Variants in ZNF385D observed in about 807,000 individuals in gnomAD.
The protein encoded by ZNF385D is zinc finger protein 385D.
ZNF385D carries 15 observed loss-of-function variants against 35.8 expected under a neutral mutation model. That is an observed-to-expected ratio of 0.42 (90% CI 0.28 to 0.64). The LOEUF is 0.64. ZNF385D is among the 30% of genes least tolerant of loss of function. The pLI is 0.23. For synonymous variants in ZNF385D, 212 were observed against 186.8 expected, an observed-to-expected ratio of 1.13 and a Z score of -1.10; for missense variants, 474 against 494.6, an observed-to-expected ratio of 0.96 and a Z score of 0.39.
intron 2 of ZNF385D, among the ~76,000 whole-genome samples, chr3:22,352,614 C>T (rs1695967981): frequency 6.6e-6 from 1 of 152,132 alleles, no homozygotes; most frequent in African/African-American, 2.4e-5. Context: ...ACACAGCAAC[C>T]ATCCAGGTCT....
intron 2 of ZNF385D, among the ~76,000 whole-genome samples, chr3:22,299,574 C>G (rs1702785272): frequency 6.6e-6 from 1 of 151,828 alleles, no homozygotes; most frequent in African/African-American, 2.4e-5. Context: ...ATAGAAAACC[C>G]TGAAGACTTC....
At chr3:21,826,386 G>C (rs1694629213) in intron 3 of ZNF385D, among the ~76,000 whole-genome samples, 1 of 152,152 alleles carries the variant, frequency 6.6e-6, no homozygotes, top group Non-Finnish European at 1.5e-5. Context: ...AGTGCTAGTA[G>C]CTGAACAGCC....
chr3:22,173,804 T>G (rs966652043), intron 2 of ZNF385D, among the ~76,000 whole-genome samples: 3 of 152,162 alleles, frequency 2.0e-5, no homozygotes, highest in Admixed American at 6.6e-5. Context: ...AAGCTCAGAA[T>G]TCTCCTGCCT....
At chr3:21,976,950 T>C (rs766275369) in intron 3 of ZNF385D, among the ~76,000 whole-genome samples, 3 of 152,152 alleles carry the variant, frequency 2.0e-5, no homozygotes, top group African/African-American at 4.8e-5. Flanking sequence ...ATTGTGCCAC[T>C]GCACGTCAGC....
chr3:21,863,502 T>C (rs557964174), intron 3 of ZNF385D, among the ~76,000 whole-genome samples: 13 of 152,256 alleles, frequency 8.5e-5, no homozygotes, highest in African/African-American at 3.1e-4. Context: ...AGAAATAGAA[T>C]GTAAATTTAA....
chr3:22,097,707 T>C (rs1701706452), intron 3 of ZNF385D, among the ~76,000 whole-genome samples: 1 of 152,020 alleles, frequency 6.6e-6, no homozygotes, highest in African/African-American at 2.4e-5. Flanking sequence ...CCTGAGAGGA[T>C]GAAGCTGTGT....
At chr3:21,753,332 T>C (rs1007913383), upstream of ZNF385D, among the ~76,000 whole-genome samples, 16 of 152,332 alleles carry the variant, frequency 1.1e-4, no homozygotes, top group African/African-American at 3.8e-4. Context: ...GTGCTATTTA[T>C]AATGGCTCAG....
At chr3:22,161,917 C>T (rs1001282139) in intron 3 of ZNF385D, among the ~76,000 whole-genome samples, 2 of 152,158 alleles carry the variant, frequency 1.3e-5, no homozygotes, top group Non-Finnish European at 2.9e-5. Context: ...TAATGTAGAC[C>T]TGGGCAGTTC....
intron 3 of ZNF385D, among the ~76,000 whole-genome samples, chr3:21,841,441 A>AG (rs1479622978): frequency 2.0e-5 from 3 of 151,904 alleles, no homozygotes; most frequent in African/African-American, 7.2e-5. Context: ...TTCATTTTAA[A>AG]AAAAGTCAGA....
chr3:21,866,936 C>A (rs76936872), intron 3 of ZNF385D, among the ~76,000 whole-genome samples: 1 of 152,022 alleles, frequency 6.6e-6, no homozygotes, highest in Non-Finnish European at 1.5e-5. Context: ...TTAAAAAATA[C>A]CAAGGCCAGG....
At chr3:21,704,661 A>G (rs2067831761) in intron 1 of ZNF385D, among the ~76,000 whole-genome samples, 1 of 151,988 alleles carries the variant, frequency 6.6e-6, no homozygotes, top group East Asian at 2.0e-4. Context: ...GGCATGCACC[A>G]CCAGGCCCAG....
chr3:21,425,034 A>C (rs1002676030), intron 6 of ZNF385D, among the ~76,000 whole-genome samples: 1 of 152,228 alleles, frequency 6.6e-6, no homozygotes, highest in Non-Finnish European at 1.5e-5. Context: ...AAACATACAG[A>C]ACAACACCAT....
intron 3 of ZNF385D, among the ~76,000 whole-genome samples, chr3:22,066,261 A>G (rs2125551919): frequency 6.6e-6 from 1 of 152,240 alleles, no homozygotes; most frequent in Non-Finnish European, 1.5e-5. Flanking sequence ...GGAAAGACCA[A>G]AAAATGAAGG....
intron 3 of ZNF385D, among the ~76,000 whole-genome samples, chr3:21,809,637 CACATATACATAT>C (rs759953513): frequency 7.4e-6 from 1 of 135,876 alleles, no homozygotes; most frequent in Non-Finnish European, 1.7e-5. Flanking sequence ...CACATATATA[CACATATACATAT>C]ACATATACAT....
At chr3:22,046,341 C>T (rs765581179) in intron 3 of ZNF385D, among the ~76,000 whole-genome samples, 35 of 152,102 alleles carry the variant, frequency 2.3e-4, no homozygotes, top group Admixed American at 3.3e-4. Flanking sequence ...ATCACTGTTC[C>T]GTAATACTCA....
At chr3:21,475,244 C>A (rs1362866322) in intron 4 of ZNF385D, among the ~76,000 whole-genome samples, 2 of 151,874 alleles carry the variant, frequency 1.3e-5, no homozygotes, top group Non-Finnish European at 2.9e-5. Context: ...CCACAATTAC[C>A]TTTGCACCAA....
At chr3:21,454,109 G>A (rs1014935436) in intron 4 of ZNF385D, among the ~76,000 whole-genome samples, 2 of 152,004 alleles carry the variant, frequency 1.3e-5, no homozygotes, top group Non-Finnish European at 2.9e-5. Flanking sequence ...AATACCACAC[G>A]TTGTATGATT....
intron 2 of ZNF385D, among the ~76,000 whole-genome samples, chr3:22,260,356 C>T (rs769269984): frequency 2.0e-5 from 3 of 151,668 alleles, no homozygotes; most frequent in African/African-American, 4.8e-5. Context: ...GGCAGGTGGG[C>T]GGCAAGGGGA....
intron 3 of ZNF385D, among the ~76,000 whole-genome samples, chr3:21,939,669 A>G (rs1174091215): frequency 3.9e-5 from 6 of 152,236 alleles, no homozygotes; most frequent in Admixed American, 3.9e-4. Flanking sequence ...AAATTATATT[A>G]GAAATGTCTT....
Sources: gnomAD v4.1 joint callset for allele counts (sites outside exome capture counted in the v4.1 genomes callset) on GRCh38, gnomAD v4.1.1 for gene constraint, MANE v1.5 for transcripts, NCBI Gene and HGNC (gene_info 2026-07-23, HGNC 2026-07-21) for gene names.